ATP9B: variants seen among roughly 807,000 people sequenced by gnomAD.
The protein encoded by ATP9B is probable phospholipid-transporting ATPase IIB.
A neutral mutation model predicts 146.1 loss-of-function variants in ATP9B; 110 were observed. That is an observed-to-expected ratio of 0.75 (90% confidence interval 0.65 to 0.88). The LOEUF is 0.88. Ranked by LOEUF, ATP9B falls within the 40% of genes least tolerant of loss-of-function variation. ATP9B has a pLI of 0.00. For missense variants in ATP9B, 1,499 were observed against 1,496.4 expected (o/e 1.00, Z -0.03); for synonymous variants, 604 against 569.7 (o/e 1.06, Z -0.86).
intron 11 of ATP9B, among the ~76,000 whole-genome samples, chr18:79,229,208 C>T (rs996002862): frequency 6.6e-6 from 1 of 152,140 alleles, no homozygotes; most frequent in Non-Finnish European, 1.5e-5. Context: ...TATGTAATTA[C>T]TAAAACTGCA....
At position 79,345,410 on chromosome 18, in the gene ATP9B, A is replaced by G. The variant is rs773590661; in HGVS notation, c.2473-18A>G. 1.9e-6 allele frequency: 3 copies of G among 1,611,626 alleles called. No homozygotes were observed. Among genetic ancestry groups the G allele is most frequent in the South Asian group, 1.1e-5 (1 of 91,038 alleles). On this transcript the variant is annotated intron_variant, in intron 21 of 29. Transcript: ENST00000426216. Reference sequence around the variant, plus strand: ...GTTGTCGACCATAAGGCAAAATAACACAGGCTTTGTTTTCCAGGTTTGTCT... The same window carrying G: ...GTTGTCGACCATAAGGCAAAATAACGCAGGCTTTGTTTTCCAGGTTTGTCT...
At position 79,307,167 on chromosome 18, in the gene ATP9B, A is replaced by T. The variant is rs1371877418; in HGVS notation, c.1706A>T (p.Glu569Val). ...ESRAGVTEET[E>V]FAEADQDFSD... ...CGGGCCGGCGTTACTGAGGAGACTGAGTTCGCAGAGGCTGACCAAGACTTC... is the reference window on the plus strand; with the variant it reads ...CGGGCCGGCGTTACTGAGGAGACTGTGTTCGCAGAGGCTGACCAAGACTTC... The change falls in exon 15 of 30, where the codon GAG becomes GTG. Residue 569 changes from glutamate to valine, a missense_variant. Coordinates refer to ENST00000426216, the MANE Select transcript of ATP9B (RefSeq NM_198531.5). 2 of 1,614,234 alleles carry T rather than the reference A, an allele frequency of 1.2e-6. No individual in the cohort carries two copies.
Position 79,069,402 on chromosome 18 carries a change from G to C in ATP9B, c.-9G>C. The stretch of plus-strand genomic sequence containing the variant: ...AAAGTGGGAGGGGCGGGAAAGGGGC[G>C]GTCGGAACATGGCGGACCAGATCCC... On this transcript the variant is annotated 5_prime_UTR_variant, in exon 1 of 30. Coordinates refer to ENST00000426216, the MANE Select transcript of ATP9B (RefSeq NM_198531.5). 1.3e-6 allele frequency: 2 copies of C among 1,494,072 alleles called. No individual in the cohort carries two copies. Among genetic ancestry groups the C allele is most frequent in the South Asian group, 1.3e-5 (1 of 77,044 alleles). The allele number at this position is 1,494,072 out of a possible 1,614,324, so 92.6% of individuals were successfully genotyped here.
At chr18:79,095,172 C>T (rs1372927362) in intron 1 of ATP9B, among the ~76,000 whole-genome samples, 1 of 152,304 alleles carries the variant, frequency 6.6e-6, no homozygotes. Flanking sequence ...TTAATTTCCA[C>T]TTATTGCTCC....
intron 13 of ATP9B, among the ~76,000 whole-genome samples, chr18:79,297,089 C>CA (rs1379560677): frequency 2.1e-5 from 3 of 140,604 alleles, no homozygotes; most frequent in Admixed American, 7.2e-5. Context: ...AGAGGAGACA[C>CA]AGACGACCCA....
intron 13 of ATP9B, among the ~76,000 whole-genome samples, chr18:79,287,987 T>C (rs141826205): frequency 0.44 from 65,453 of 147,938 alleles, 14,289 homozygotes; most frequent in Middle Eastern, 0.56. Context: ...AGAGACAGTT[T>C]GTTATAATTT....
chr18:79,309,891 A>G (rs916041136), intron 15 of ATP9B, among the ~76,000 whole-genome samples: 4 of 152,198 alleles, frequency 2.6e-5, no homozygotes, highest in African/African-American at 9.7e-5. Flanking sequence ...AATGAGTAGA[A>G]AATTAAGATT....
intron 13 of ATP9B, among the ~76,000 whole-genome samples, chr18:79,279,201 A>C (rs1011805200): frequency 5.3e-5 from 8 of 150,828 alleles, no homozygotes; most frequent in Admixed American, 5.3e-4. Flanking sequence ...GGGGAGAAGC[A>C]CTCATGCGCC....
At chr18:79,282,723 G>A (rs1334586385) in intron 13 of ATP9B, among the ~76,000 whole-genome samples, 1 of 152,076 alleles carries the variant, frequency 6.6e-6, no homozygotes, top group Non-Finnish European at 1.5e-5. Flanking sequence ...CTGGAACCAA[G>A]CGCTTCCCCT....
At chr18:79,072,810 G>C (rs1353459043) in intron 1 of ATP9B, among the ~76,000 whole-genome samples, 1 of 152,080 alleles carries the variant, frequency 6.6e-6, no homozygotes, top group Non-Finnish European at 1.5e-5. Flanking sequence ...GTGGCTGCCG[G>C]GCAGAGGGGC....
At chr18:79,130,643 A>G (rs1309078765) in intron 5 of ATP9B, among the ~76,000 whole-genome samples, 16 of 152,092 alleles carry the variant, frequency 1.1e-4, no homozygotes, top group Non-Finnish European at 1.5e-4. Context: ...AAAAATCCAT[A>G]ATGAGATACA....
intron 25 of ATP9B, among the ~76,000 whole-genome samples, chr18:79,349,412 A>G (rs1192136439): frequency 6.6e-6 from 1 of 152,140 alleles, no homozygotes; most frequent in East Asian, 1.9e-4. Flanking sequence ...TCAGGAACTC[A>G]CCCGTGGGAG....
At chr18:79,121,943 C>T (rs79282495) in intron 4 of ATP9B, among the ~76,000 whole-genome samples, 6,303 of 152,188 alleles carry the variant, frequency 0.041, 336 homozygotes, top group African/African-American at 0.11. Flanking sequence ...GGAACTAGCA[C>T]ATTTTTGTGG....
chr18:79,238,601 C>T (rs2095863154), intron 11 of ATP9B, among the ~76,000 whole-genome samples: 1 of 152,208 alleles, frequency 6.6e-6, no homozygotes, highest in Non-Finnish European at 1.5e-5. Context: ...CCGTTCTGCG[C>T]TCTCCTCAAT....
intron 13 of ATP9B, among the ~76,000 whole-genome samples, chr18:79,295,600 T>C (rs1018509162): frequency 3.3e-5 from 5 of 152,390 alleles, no homozygotes; most frequent in Non-Finnish European, 7.3e-5. Context: ...AATAGCTTTA[T>C]TCACAATGCA....
chr18:79,367,469 G>A, intron 26 of ATP9B, among the ~76,000 whole-genome samples: 1 of 139,586 alleles, frequency 7.2e-6, no homozygotes, highest in Non-Finnish European at 1.5e-5. Flanking sequence ...CAACCAGAGA[G>A]CACACATATC....
chr18:79,202,255 A>T (rs539752181), intron 9 of ATP9B, among the ~76,000 whole-genome samples: 1 of 152,216 alleles, frequency 6.6e-6, no homozygotes, highest in Non-Finnish European at 1.5e-5. Context: ...TGAATGATTG[A>T]TATCGCTAAT....
At chr18:79,286,104 C>CT (rs1293975878) in intron 13 of ATP9B, among the ~76,000 whole-genome samples, 1 of 150,888 alleles carries the variant, frequency 6.6e-6, no homozygotes, top group Non-Finnish European at 1.5e-5. Context: ...GATGCGGGCT[C>CT]TTTTTTGGTT....
At chr18:79,105,679 G>A (rs1032658677) in intron 2 of ATP9B, among the ~76,000 whole-genome samples, 1 of 152,272 alleles carries the variant, frequency 6.6e-6, no homozygotes, top group East Asian at 1.9e-4. Flanking sequence ...TCTTTCTCAC[G>A]AGATTTACAT....
Sources: gnomAD v4.1 joint callset for allele counts (sites outside exome capture counted in the v4.1 genomes callset) on GRCh38, gnomAD v4.1.1 for gene constraint, MANE v1.5 for transcripts, NCBI Gene and HGNC (gene_info 2026-07-23, HGNC 2026-07-21) for gene names.